Variants in BRINP3 observed in about 807,000 individuals in gnomAD.
BRINP3 encodes the protein BMP/retinoic acid-inducible neural-specific protein 3.
A neutral mutation model predicts 71.0 loss-of-function variants in BRINP3; 19 were observed. The observed-to-expected ratio is 0.27, with a 90% CI of 0.19 to 0.39. The LOEUF (loss-of-function observed/expected upper bound fraction) is 0.39. Ranked by LOEUF, BRINP3 falls within the 10% of genes least tolerant of loss-of-function variation. The pLI, the probability that BRINP3 is intolerant of heterozygous loss-of-function variation, is 1.00. For missense variants in BRINP3, 959 were observed against 940.8 expected (o/e 1.02, Z -0.25); for synonymous variants, 380 against 337.7 (o/e 1.13, Z -1.37).
rs1663570697 is a variant in BRINP3 at position 190,288,057 on chromosome 1, C to A, written c.237-6307G>T. Among the ~76,000 whole-genome samples the A allele has an allele frequency of 2.6e-5, 4 of 151,940 alleles. No individual in the cohort carries two copies. In the South Asian group the frequency reaches 8.3e-4, roughly 31 times the overall value. On this transcript the variant is annotated intron_variant, in intron 2 of 7. Transcript: ENST00000367462. Reference sequence around the variant, plus strand: ...AGCAAAAGCTTTCTGTAAAAACATACAAACATGCTGTTAATGATCTTCTCA... The same window carrying A: ...AGCAAAAGCTTTCTGTAAAAACATAAAAACATGCTGTTAATGATCTTCTCA...
intron 7 of BRINP3, among the ~76,000 whole-genome samples, chr1:190,147,124 A>C (rs1655957236): frequency 6.6e-6 from 1 of 152,004 alleles, no homozygotes; most frequent in Non-Finnish European, 1.5e-5. Flanking sequence ...AAATTTCTTT[A>C]AGTACATTTT....
intron 2 of BRINP3, among the ~76,000 whole-genome samples, chr1:190,432,501 CT>C (rs1674166110): frequency 6.6e-6 from 1 of 152,166 alleles, no homozygotes; most frequent in Admixed American, 6.6e-5. Flanking sequence ...ATCTATCCAT[CT>C]GAAATTTCCA....
At chr1:190,200,768 T>C (rs1037410564) in intron 6 of BRINP3, among the ~76,000 whole-genome samples, 6 of 152,228 alleles carry the variant, frequency 3.9e-5, no homozygotes, top group Non-Finnish European at 7.4e-5. Context: ...TGAGATATCA[T>C]GGTTATAAAA....
chr1:190,119,117 A>G (rs2102310030), intron 7 of BRINP3, among the ~76,000 whole-genome samples: 1 of 152,284 alleles, frequency 6.6e-6, no homozygotes, highest in East Asian at 1.9e-4. Context: ...CTAAATAAAA[A>G]GATTGCATTC....
At position 190,456,375 on chromosome 1, in the gene BRINP3, C is replaced by T. The variant is rs575602171; in HGVS notation, c.-50-1435G>A. Among the ~76,000 whole-genome samples, 9 of 152,136 alleles carry T rather than the reference C, an allele frequency of 5.9e-5. No homozygotes were observed. The South Asian group carries it at 1.0e-3, about 18-fold the overall frequency. ...GCTCACTGAGGGGATTAAAGCGTAC[C>T]GTCTTTTGTAAACAACATGGGAAGC... is the stretch of plus-strand genomic sequence containing the variant. On this transcript the variant is annotated intron_variant, in intron 1 of 7. Coordinates refer to ENST00000367462, the MANE Select transcript of BRINP3 (RefSeq NM_199051.3).
intron 5 of BRINP3, among the ~76,000 whole-genome samples, chr1:190,233,340 C>A (rs1179691731): frequency 1.3e-5 from 2 of 151,842 alleles, no homozygotes; most frequent in African/African-American, 2.4e-5. Context: ...TGCAGGCCTG[C>A]AACACCAGCG....
chr1:190,251,044 C>A (rs1179783981), intron 4 of BRINP3, among the ~76,000 whole-genome samples: 1 of 151,396 alleles, frequency 6.6e-6, no homozygotes, highest in South Asian at 2.1e-4. Context: ...CACTGAGACC[C>A]CATCTCTATA....
chr1:190,428,427 C>A (rs1032366021), intron 2 of BRINP3, among the ~76,000 whole-genome samples: 2 of 151,204 alleles, frequency 1.3e-5, no homozygotes, highest in Non-Finnish European at 3.0e-5. Context: ...ACCTCATAAT[C>A]CCCCCCCAAA....
At chr1:190,283,259 C>A (rs1663177122) in intron 2 of BRINP3, among the ~76,000 whole-genome samples, 1 of 151,962 alleles carries the variant, frequency 6.6e-6, no homozygotes, top group African/African-American at 2.4e-5. Flanking sequence ...GAAGGGTTCT[C>A]AAACTTCAGC....
intron 4 of BRINP3, among the ~76,000 whole-genome samples, chr1:190,241,614 CTT>C (rs1394747063): frequency 6.6e-6 from 1 of 151,968 alleles, no homozygotes; most frequent in Non-Finnish European, 1.5e-5. Flanking sequence ...GTTAATATGA[CTT>C]TGATTGAAGG....
At chr1:190,240,084 G>A (rs1160707162) in intron 4 of BRINP3, among the ~76,000 whole-genome samples, 1 of 150,930 alleles carries the variant, frequency 6.6e-6, no homozygotes, top group Non-Finnish European at 1.5e-5. Flanking sequence ...TAATAGACTA[G>A]GAACTAACTT....
At chr1:190,455,813 C>A (rs1165818134) in intron 1 of BRINP3, among the ~76,000 whole-genome samples, 2 of 152,034 alleles carry the variant, frequency 1.3e-5, no homozygotes, top group Non-Finnish European at 2.9e-5. Flanking sequence ...GTAGTATAAT[C>A]ATTCAAAAAA....
intron 2 of BRINP3, among the ~76,000 whole-genome samples, chr1:190,382,452 G>T (rs1282325666): frequency 1.3e-5 from 2 of 152,032 alleles, no homozygotes; most frequent in Non-Finnish European, 2.9e-5. Context: ...CAACTTAGTA[G>T]TGCAAGAAGT....
intron 7 of BRINP3, among the ~76,000 whole-genome samples, chr1:190,108,199 T>A (rs1304329780): frequency 6.6e-6 from 1 of 152,060 alleles, no homozygotes; most frequent in Non-Finnish European, 1.5e-5. Flanking sequence ...GCAAGAGCTT[T>A]ATATTAACAT....
intron 2 of BRINP3, among the ~76,000 whole-genome samples, chr1:190,282,682 T>C (rs912392440): frequency 6.6e-6 from 1 of 152,034 alleles, no homozygotes; most frequent in African/African-American, 2.4e-5. Flanking sequence ...GATCAGTGCA[T>C]GATAAGAGAT....
At chr1:190,234,257 G>A (rs768673115) in intron 5 of BRINP3, 115 bp downstream of exon 5, 2 of 527,598 alleles carry the variant, frequency 3.8e-6, no homozygotes, top group South Asian at 5.4e-5. Context: ...CCTTTAATGA[G>A]AGTTTTTAAT....
chr1:190,461,655 T>A (rs539877161), intron 1 of BRINP3, among the ~76,000 whole-genome samples: 4 of 152,268 alleles, frequency 2.6e-5, no homozygotes, highest in Admixed American at 2.6e-4. Flanking sequence ...ATGAAATAAG[T>A]ACTAAATTAG....
chr1:190,330,161 T>G (rs1160228735), intron 2 of BRINP3, among the ~76,000 whole-genome samples: 3 of 151,986 alleles, frequency 2.0e-5, no homozygotes, highest in African/African-American at 7.2e-5. Flanking sequence ...AAATAGCTTC[T>G]GCACAGTAAA....
intron 7 of BRINP3, among the ~76,000 whole-genome samples, chr1:190,113,229 T>C (rs554533296): frequency 2.0e-5 from 3 of 152,096 alleles, no homozygotes; most frequent in Non-Finnish European, 4.4e-5. Context: ...CTCCTCCTCA[T>C]CCTTAATTAA....
Sources: gnomAD v4.1 joint callset for allele counts (sites outside exome capture counted in the v4.1 genomes callset) on GRCh38, gnomAD v4.1.1 for gene constraint, MANE v1.5 for transcripts, NCBI Gene and HGNC (gene_info 2026-07-23, HGNC 2026-07-21) for gene names.